The following FAT3 variants were observed in gnomAD, a reference collection of about 807,000 sequenced individuals.
The protein encoded by FAT3 is protocadherin Fat 3.
In FAT3, 95 loss-of-function variants were observed where a neutral mutation model predicts 310.2. The ratio of observed to expected loss-of-function variants is 0.31; its 90% CI spans 0.26 to 0.36. FAT3 has a LOEUF of 0.36. Ranked by LOEUF, FAT3 falls within the 10% of genes least tolerant of loss-of-function variation. The pLI is 1.00. For missense variants in FAT3, 5,408 were observed against 5,715.6 expected, an observed-to-expected ratio of 0.95 and a Z score of 1.74; for synonymous variants, 2,314 against 2,192.9, an observed-to-expected ratio of 1.06 and a Z score of -1.54.
chr11:92,778,719 A>G (rs1946659662), intron 7 of FAT3, among the ~76,000 whole-genome samples: 2 of 152,036 alleles, frequency 1.3e-5, no homozygotes, highest in African/African-American at 4.8e-5. Flanking sequence ...TCAGCCAGTA[A>G]CTCTAGTTAA....
chr11:92,244,117 T>C (rs1475453603), intron 1 of FAT3, among the ~76,000 whole-genome samples: 1 of 152,042 alleles, frequency 6.6e-6, no homozygotes, highest in Non-Finnish European at 1.5e-5. Flanking sequence ...GTAGCTTAAC[T>C]CACAAAGACC....
chr11:92,469,434 A>G (rs995838775), intron 2 of FAT3, among the ~76,000 whole-genome samples: 7 of 152,126 alleles, frequency 4.6e-5, no homozygotes, highest in African/African-American at 1.7e-4. Context: ...TAAGATATTA[A>G]TTGTGTATTT....
rs996897590 is a variant in FAT3, at chr11:92,567,599, C to G, written c.3607+42651C>G. Among the ~76,000 whole-genome samples, 10 of 151,750 alleles carry G rather than the reference C, an allele frequency of 6.6e-5. No homozygotes were observed. The South Asian group carries it at 1.9e-3, about 29-fold the overall frequency. On this transcript the variant is annotated intron_variant, in intron 3 of 27. Coordinates refer to ENST00000525166, the MANE Select transcript of FAT3 (RefSeq NM_001367949.2). The stretch of plus-strand genomic sequence containing the variant: ...GACACATGCACACGTATGTTTATTG[C>G]GGCACTATTCACAATAGCAAAGACT...
Position 92,799,502 on chromosome 11 carries a change from C to T in FAT3, c.6489C>T (p.Gly2163=), listed in dbSNP as rs567727461. The T allele has an allele frequency of 1.1e-4, 184 of 1,613,492 alleles. 1 individual carries two copies. Among genetic ancestry groups the T allele is most frequent in the South Asian group, 1.3e-4 (12 of 91,032 alleles). ...GAGTCACCATCCTAGCCAAGGATGG[C>T]GGAAAACCTTCTTTGTCTACATCTG... is the stretch of plus-strand genomic sequence containing the variant. ...EYGVTILAKD[G]GKPSLSTSVE... is the part of the protein sequence containing the mutation. Residue 2163 remains glycine (G), a synonymous_variant, in exon 10 of 28, where the codon GGC becomes GGT. Coordinates refer to ENST00000525166, the MANE Select transcript of FAT3 (RefSeq NM_001367949.2).
chr11:92,664,987 C>T (rs1012436531), intron 3 of FAT3, among the ~76,000 whole-genome samples: 5 of 152,136 alleles, frequency 3.3e-5, no homozygotes, highest in Admixed American at 2.6e-4. Context: ...AATATCCACC[C>T]TAAAAATCCT....
chr11:92,546,870 T>G (rs1027364751), intron 3 of FAT3, among the ~76,000 whole-genome samples: 1 of 152,152 alleles, frequency 6.6e-6, no homozygotes, highest in African/African-American at 2.4e-5. Context: ...CATGTTCTTG[T>G]TTTAAATGAG....
At chr11:92,779,755 A>G (rs1435963973) in intron 7 of FAT3, among the ~76,000 whole-genome samples, 2 of 152,182 alleles carry the variant, frequency 1.3e-5, no homozygotes, top group South Asian at 2.1e-4. Flanking sequence ...AGACACAGAG[A>G]GGATCCTGGA....
intron 1 of FAT3, among the ~76,000 whole-genome samples, chr11:92,310,967 CT>C (rs1171231263): frequency 6.6e-6 from 1 of 150,804 alleles, no homozygotes; most frequent in South Asian, 2.1e-4. Context: ...ATTTAAAAAA[CT>C]TTTTTTGAGA....
chr11:92,882,972 C>T lies in FAT3; in HGVS notation c.12516C>T (p.Phe4172=), dbSNP rs2136411651. The stretch of plus-strand genomic sequence containing the variant: ...TCATCTTCATCCTGGTGGTTCTCTT[C>T]ATAGTCTTCCGCAAGAAGGTCTTCC... ...LFVIFILVVL[F]IVFRKKVFRK... Residue 4172 remains phenylalanine, a synonymous_variant, in exon 24 of 28, where the codon TTC becomes TTT. Coordinates refer to ENST00000525166, the MANE Select transcript of FAT3 (RefSeq NM_001367949.2). 1 of 1,613,914 alleles carries T rather than the reference C, an allele frequency of 6.2e-7. No homozygotes were observed. Among genetic ancestry groups the T allele is most frequent in the Non-Finnish European group, 8.5e-7 (1 of 1,179,848 alleles).
chr11:92,764,885 G>A lies in FAT3; in HGVS notation c.3991G>A (p.Ala1331Thr), dbSNP rs202172060. Residue 1331 changes from alanine to threonine, a missense_variant, in exon 6 of 28, where the codon GCA becomes ACA. This residue lies in a region of FAT3 where 4,588 missense variants were observed against 4,809.8 expected (regional missense o/e 0.95). Transcript: ENST00000525166. ...TCTCTCCCTGTGTGAGTAGATAAAG[G>A]CAGTGGACAATGGGCGCCCACAGAA... ...AGSYDILTIK[A>T]VDNGRPQKSS... is the part of the protein sequence containing the mutation. The A allele has an allele frequency of 9.2e-5, 149 of 1,613,336 alleles. No individual in the cohort carries two copies. The highest frequency in any genetic ancestry group is 1.2e-4 in the Non-Finnish European group (141 of 1,179,586).
At chr11:92,547,847 T>C (rs529813485) in intron 3 of FAT3, among the ~76,000 whole-genome samples, 179 of 152,298 alleles carry the variant, frequency 1.2e-3, no homozygotes, top group African/African-American at 4.1e-3. Context: ...TCAGAATTCC[T>C]GGAACTAGAG....
chr11:92,748,431 TTC>T (rs1945736315), intron 4 of FAT3, among the ~76,000 whole-genome samples: 1 of 152,288 alleles, frequency 6.6e-6, no homozygotes, highest in Middle Eastern at 3.4e-3. Context: ...AATTCTGTTT[TTC>T]TCTTTTTCTT....
intron 1 of FAT3, among the ~76,000 whole-genome samples, chr11:92,241,186 G>C (rs888101408): frequency 3.9e-5 from 6 of 151,970 alleles, no homozygotes; most frequent in Non-Finnish European, 8.8e-5. Context: ...AGCTATCCTG[G>C]GTGTTTAACT....
intron 4 of FAT3, among the ~76,000 whole-genome samples, chr11:92,740,430 T>A (rs1450057517): frequency 6.6e-6 from 1 of 152,230 alleles, no homozygotes; most frequent in African/African-American, 2.4e-5. Flanking sequence ...TTAGACTTCA[T>A]GATAGGGGCT....
chr11:92,309,324 C>T (rs547187232), intron 1 of FAT3, among the ~76,000 whole-genome samples: 1 of 150,620 alleles, frequency 6.6e-6, no homozygotes, highest in South Asian at 2.1e-4. Flanking sequence ...GCCATCTCTC[C>T]TTCCCTTCCC....
At chr11:92,315,512 T>TATATAGAGAGAGAG (rs1353970811) in intron 1 of FAT3, among the ~76,000 whole-genome samples, 10 of 56,166 alleles carry the variant, frequency 1.8e-4, no homozygotes, top group East Asian at 6.4e-4. Context: ...TATATATATA[T>TATATAGAGAGAGAG]AGAGAGAGAG....
intron 2 of FAT3, among the ~76,000 whole-genome samples, chr11:92,476,789 G>A (rs1007422767): frequency 6.6e-6 from 1 of 152,170 alleles, no homozygotes; most frequent in Non-Finnish European, 1.5e-5. Context: ...TGTATTAGAG[G>A]ATCAAGTTGA....
At chr11:92,780,036 C>T (rs1031642152) in intron 7 of FAT3, among the ~76,000 whole-genome samples, 5 of 152,162 alleles carry the variant, frequency 3.3e-5, no homozygotes, top group African/African-American at 1.2e-4. Context: ...TTGGGGCAGT[C>T]ATCCCCAGAG....
At chr11:92,639,922 C>T (rs745702262) in intron 3 of FAT3, among the ~76,000 whole-genome samples, 22 of 152,100 alleles carry the variant, frequency 1.4e-4, no homozygotes, top group Non-Finnish European at 2.2e-4. Flanking sequence ...TTGATGTCGG[C>T]GACGTCCATG....
Sources: gnomAD v4.1 joint callset for allele counts (sites outside exome capture counted in the v4.1 genomes callset) on GRCh38, gnomAD v4.1.1 for gene constraint, gnomAD v4.1.1 regional missense constraint, MANE v1.5 for transcripts, NCBI Gene and HGNC (gene_info 2026-07-23, HGNC 2026-07-21) for gene names.